The following AGAP1 variants were observed in gnomAD, a reference collection of about 807,000 sequenced individuals.
The protein encoded by AGAP1 is arf-GAP with GTPase, ANK repeat and PH domain-containing protein 1.
A neutral mutation model predicts 105.3 loss-of-function variants in AGAP1; 29 were observed. The observed-to-expected ratio is 0.28, with a 90% confidence interval of 0.21 to 0.38. AGAP1 has a LOEUF of 0.38. Ranked by LOEUF, AGAP1 falls within the 10% of genes least tolerant of loss-of-function variation. The pLI, the probability that AGAP1 is intolerant of heterozygous loss-of-function variation, is 1.00. For synonymous variants in AGAP1, 509 were observed against 485.9 expected (o/e 1.05, Z -0.63); for missense variants, 998 against 1,165.1 (o/e 0.86, Z 2.09).
chr2:236,025,908 G>GTGGATGGATGGATGGATGGA (rs1553548831), intron 13 of AGAP1, among the ~76,000 whole-genome samples: 2 of 100,290 alleles, frequency 2.0e-5, no homozygotes, highest in Admixed American at 8.8e-5. Flanking sequence ...TCTCGGGTGG[G>GTGGATGGATGGATGGATGGA]TGGATGGATG....
intron 16 of AGAP1, among the ~76,000 whole-genome samples, chr2:236,074,740 A>G (rs950627770): frequency 6.6e-6 from 1 of 152,192 alleles, no homozygotes; most frequent in Non-Finnish European, 1.5e-5. Flanking sequence ...TATAGAATTA[A>G]CATAAAGGTT....
chr2:235,929,853 T>G (rs2052636867), intron 11 of AGAP1, among the ~76,000 whole-genome samples: 1 of 152,206 alleles, frequency 6.6e-6, no homozygotes, highest in Non-Finnish European at 1.5e-5. Flanking sequence ...GGCTGCGTAT[T>G]TATTATAAAA....
At chr2:236,006,445 T>C (rs2056325615) in intron 13 of AGAP1, among the ~76,000 whole-genome samples, 1 of 152,216 alleles carries the variant, frequency 6.6e-6, no homozygotes, top group Non-Finnish European at 1.5e-5. Flanking sequence ...AAGAACGAAA[T>C]GTGTGTATAC....
chr2:235,928,638 G>T (rs2052569060), intron 11 of AGAP1, among the ~76,000 whole-genome samples: 1 of 152,204 alleles, frequency 6.6e-6, no homozygotes, highest in South Asian at 2.1e-4. Context: ...GCAGGAACAT[G>T]GTGGGCACGG....
chr2:235,727,684 ACTC>A (rs1951715756), intron 3 of AGAP1, among the ~76,000 whole-genome samples: 1 of 151,500 alleles, frequency 6.6e-6, no homozygotes, highest in Middle Eastern at 3.4e-3. Context: ...GCTCACCACC[ACTC>A]CTCCTCTCCG....
rs962482024 is a variant in AGAP1, at chr2:236,038,544, A to G, written c.1800+1829A>G. ...TCCAGGGAATTGCTCCCTTGGGAGG[A>G]GGACGCGTTGAGCAACCAAAGGTGG... On this transcript the variant is annotated intron_variant, in intron 14 of 17. Transcript: ENST00000304032. This position sits in a 1 kb window ranked among gnomAD's most constrained non-coding sequence, Gnocchi z 4.5. Among the ~76,000 whole-genome samples the G allele has an allele frequency of 6.6e-6, 1 of 152,082 alleles. No individual in the cohort carries two copies. The highest frequency in any genetic ancestry group is 6.5e-5 in the Admixed American group (1 of 15,270).
chr2:235,531,900 C>G (rs6431383), intron 1 of AGAP1, among the ~76,000 whole-genome samples: 2 of 152,016 alleles, frequency 1.3e-5, no homozygotes, highest in Non-Finnish European at 2.9e-5. Flanking sequence ...ACGTGAACCC[C>G]TGCACCCGGC....
chr2:235,897,201 G>A (rs1295862923), intron 10 of AGAP1, among the ~76,000 whole-genome samples: 2 of 151,992 alleles, frequency 1.3e-5, no homozygotes, highest in East Asian at 1.9e-4. Flanking sequence ...CACCATGCCC[G>A]GCTAATTTTT....
chr2:235,731,687 T>A (rs1477341992), intron 3 of AGAP1, among the ~76,000 whole-genome samples: 1 of 152,176 alleles, frequency 6.6e-6, no homozygotes, highest in Non-Finnish European at 1.5e-5. Flanking sequence ...ATTCGTTAAT[T>A]TTTATGAGCC....
chr2:235,781,239 A>C (rs1037715534), intron 6 of AGAP1, among the ~76,000 whole-genome samples: 4 of 152,288 alleles, frequency 2.6e-5, no homozygotes, highest in Admixed American at 2.0e-4. Flanking sequence ...AATAAAACTA[A>C]AGTCATTAGA....
intron 6 of AGAP1, among the ~76,000 whole-genome samples, chr2:235,771,494 C>G (rs1955444401): frequency 6.6e-6 from 1 of 152,194 alleles, no homozygotes; most frequent in Non-Finnish European, 1.5e-5. Context: ...ACGGGCGTGG[C>G]TTTTCAACTG....
In AGAP1 at chr2:235,797,779, A is replaced by C. The variant is rs1450670026; in HGVS notation, c.694A>C (p.Thr232Pro). The C allele has an allele frequency of 6.2e-7, 1 of 1,614,178 alleles. No homozygotes were observed. Residue 232 changes from threonine to proline, a missense_variant, in exon 7 of 18, where the codon ACA becomes CCA. Transcript: ENST00000304032. Reference protein sequence around the residue: ...FQDVAQKIVATRKKQQLSIGP... With the variant: ...FQDVAQKIVAPRKKQQLSIGP... ...ACCAGTTGCCCAGAAGATTGTTGCCACAAGGAAGAAGCAGCAGCTGTCCAT... is the reference window on the plus strand; with the variant it reads ...ACCAGTTGCCCAGAAGATTGTTGCCCCAAGGAAGAAGCAGCAGCTGTCCAT...
chr2:235,547,026 T>TC (rs1943645178), intron 1 of AGAP1, among the ~76,000 whole-genome samples: 1 of 152,164 alleles, frequency 6.6e-6, no homozygotes, highest in Admixed American at 6.5e-5. Flanking sequence ...GAAAGATGCT[T>TC]CCCCACAGAG....
rs567926245 is a variant in AGAP1, at chr2:235,865,412, C to A, written c.1051-17933C>A. 6.6e-6 allele frequency among the ~76,000 whole-genome samples: 1 copy of A among 152,322 alleles called. No homozygotes were observed. The highest frequency in any genetic ancestry group is 1.9e-4 in the East Asian group (1 of 5,174). On this transcript the variant is annotated intron_variant, in intron 9 of 17. Transcript: ENST00000304032. The surrounding 1 kb of genome is among the most constrained non-coding windows in gnomAD (Gnocchi z 6.2). ...CCACAGTAACACGTGTGGCGCCGAC[C>A]CCGCCGTGCGCAATCGGGGCTTTAT... is the stretch of plus-strand genomic sequence containing the variant.
chr2:236,031,167 A>C (rs917355912), intron 13 of AGAP1, among the ~76,000 whole-genome samples: 5 of 152,200 alleles, frequency 3.3e-5, no homozygotes, highest in African/African-American at 1.2e-4. Context: ...AGAACTGTAC[A>C]TGTCTGTAGG....
intron 1 of AGAP1, among the ~76,000 whole-genome samples, chr2:235,594,963 A>C (rs1030096940): frequency 6.9e-6 from 1 of 145,218 alleles, no homozygotes; most frequent in Non-Finnish European, 1.5e-5. Context: ...TGCTATCTAG[A>C]GGAGGTAGCT....
chr2:235,945,636 G>A (rs1294151065), intron 12 of AGAP1, among the ~76,000 whole-genome samples: 3 of 151,988 alleles, frequency 2.0e-5, no homozygotes, highest in East Asian at 3.9e-4. Context: ...AAGCTTTTTG[G>A]TTTCTAAAAA....
At chr2:235,783,798 G>C (rs962613377) in intron 6 of AGAP1, among the ~76,000 whole-genome samples, 1 of 152,058 alleles carries the variant, frequency 6.6e-6, no homozygotes, top group Non-Finnish European at 1.5e-5. Context: ...TGGGTTACAC[G>C]GCATCTGTCA....
At position 235,569,523 on chromosome 2, in the gene AGAP1, C is replaced by T. The variant is rs538550961; in HGVS notation, c.163+74674C>T. On this transcript the variant is annotated intron_variant, in intron 1 of 17. Transcript: ENST00000304032. This position sits in a 1 kb window ranked among gnomAD's most constrained non-coding sequence, Gnocchi z 5.9. ...GGGCAAAATGGAAAGCAAACCTGGC[C>T]TCTTGTACCTCTGAGCCCCGAATTC... 6.6e-6 allele frequency among the ~76,000 whole-genome samples: 1 copy of T among 152,134 alleles called. No homozygotes were observed. Among genetic ancestry groups the T allele is most frequent in the African/African-American group, 2.4e-5 (1 of 41,416 alleles).
Sources: gnomAD v4.1 joint callset for allele counts (sites outside exome capture counted in the v4.1 genomes callset) on GRCh38, gnomAD v4.1.1 for gene constraint, Gnocchi (gnomAD v3.1) non-coding constraint, MANE v1.5 for transcripts, NCBI Gene and HGNC (gene_info 2026-07-23, HGNC 2026-07-21) for gene names.